The following ADAMTS12 variants were observed in gnomAD, a reference collection of about 807,000 sequenced individuals.
The protein encoded by ADAMTS12 is A disintegrin and metalloproteinase with thrombospondin motifs 12.
In ADAMTS12, 118 loss-of-function variants were observed where a neutral mutation model predicts 167.8. The ratio of observed to expected loss-of-function variants is 0.70; its 90% CI spans 0.61 to 0.82. The LOEUF (loss-of-function observed/expected upper bound fraction) is 0.82, where lower values mean the gene tolerates loss of function less well. Among genes scored for constraint, ADAMTS12 ranks in the 40% least tolerant of loss-of-function variants. The pLI is 0.00. For synonymous variants in ADAMTS12, 704 were observed against 716.9 expected (o/e 0.98, Z 0.29); for missense variants, 1,916 against 1,998.8 (o/e 0.96, Z 0.79).
intron 23 of ADAMTS12, among the ~76,000 whole-genome samples, chr5:33,528,771 G>T (rs1743949411): frequency 6.6e-6 from 1 of 152,228 alleles, no homozygotes; most frequent in South Asian, 2.1e-4. Context: ...TCCGGGCCGG[G>T]CATGGTGGCT....
chr5:33,856,361 C>T lies in ADAMTS12; in HGVS notation c.489+24758G>A, dbSNP rs539895618. On this transcript the variant is annotated intron_variant, in intron 2 of 23. Coordinates refer to ENST00000504830, the MANE Select transcript of ADAMTS12 (RefSeq NM_030955.4). ...TGGGAACATAAAGCTGGGCCAAATCCTATGGGTAAGGGGCTATATGACTCT... is the reference window on the plus strand; with the variant it reads ...TGGGAACATAAAGCTGGGCCAAATCTTATGGGTAAGGGGCTATATGACTCT... Among the ~76,000 whole-genome samples, 6 of 152,260 alleles carry T rather than the reference C, an allele frequency of 3.9e-5. No individual in the cohort carries two copies. In the South Asian group the frequency reaches 1.2e-3, roughly 32 times the overall value.
chr5:33,809,072 G>A (rs540176998), intron 2 of ADAMTS12, among the ~76,000 whole-genome samples: 43 of 152,168 alleles, frequency 2.8e-4, no homozygotes, highest in African/African-American at 9.6e-4. Flanking sequence ...TAATTTTTCC[G>A]CAAAGCTCTC....
intron 19 of ADAMTS12, among the ~76,000 whole-genome samples, chr5:33,571,531 A>T (rs1022964431): frequency 1.2e-4 from 19 of 152,308 alleles, no homozygotes; most frequent in African/African-American, 4.3e-4. Flanking sequence ...AGAAATAAAG[A>T]TCTTCTTTGA....
intron 2 of ADAMTS12, among the ~76,000 whole-genome samples, chr5:33,859,338 A>G (rs1473042383): frequency 6.6e-6 from 1 of 152,222 alleles, no homozygotes; most frequent in Non-Finnish European, 1.5e-5. Context: ...GGCATCCACC[A>G]TCACTAAAGC....
chr5:33,545,401 A>G (rs1744922343), intron 22 of ADAMTS12, among the ~76,000 whole-genome samples: 1 of 152,218 alleles, frequency 6.6e-6, no homozygotes, highest in Non-Finnish European at 1.5e-5. Flanking sequence ...GAATGCTTTT[A>G]CGCTGTTGGT....
At chr5:33,812,663 C>T (rs779868209) in intron 2 of ADAMTS12, among the ~76,000 whole-genome samples, 10 of 152,154 alleles carry the variant, frequency 6.6e-5, no homozygotes, top group Non-Finnish European at 1.2e-4. Context: ...TCAGTATGAA[C>T]TGTGTGAGAA....
At chr5:33,651,251 G>C (rs1007251912) in intron 7 of ADAMTS12, among the ~76,000 whole-genome samples, 2 of 152,100 alleles carry the variant, frequency 1.3e-5, no homozygotes, top group Admixed American at 6.5e-5. Context: ...TGCAAGCAAG[G>C]TTCTAAAAAC....
At chr5:33,734,411 G>C (rs1002492429) in intron 3 of ADAMTS12, among the ~76,000 whole-genome samples, 1 of 152,174 alleles carries the variant, frequency 6.6e-6, no homozygotes, top group Non-Finnish European at 1.5e-5. Flanking sequence ...AGAAATCATT[G>C]CTGTCCAAAA....
At chr5:33,706,872 C>T (rs1743220500) in intron 3 of ADAMTS12, among the ~76,000 whole-genome samples, 1 of 152,160 alleles carries the variant, frequency 6.6e-6, no homozygotes, top group African/African-American at 2.4e-5. Context: ...AAGCTGCAAG[C>T]ATTCCCTTTG....
intron 5 of ADAMTS12, among the ~76,000 whole-genome samples, chr5:33,665,219 C>A (rs1413536243): frequency 6.6e-6 from 1 of 152,040 alleles, no homozygotes; most frequent in East Asian, 1.9e-4. Context: ...AACTGAGAAG[C>A]AGAGATCAGG....
At chr5:33,730,125 C>T (rs907815728) in intron 3 of ADAMTS12, among the ~76,000 whole-genome samples, 4 of 152,214 alleles carry the variant, frequency 2.6e-5, no homozygotes, top group African/African-American at 9.7e-5. Context: ...AGGAGACCCA[C>T]ATTGTACAGG....
chr5:33,787,517 G>A (rs568278244), intron 2 of ADAMTS12, among the ~76,000 whole-genome samples: 4 of 152,330 alleles, frequency 2.6e-5, no homozygotes, highest in African/African-American at 9.6e-5. Context: ...AGAAGAAGGC[G>A]ACTATGAGGA....
chr5:33,780,138 G>A (rs1746072279), intron 2 of ADAMTS12, among the ~76,000 whole-genome samples: 1 of 152,022 alleles, frequency 6.6e-6, no homozygotes, highest in Non-Finnish European at 1.5e-5. Flanking sequence ...CTGTAGGAGG[G>A]GAAACCAACC....
chr5:33,539,804 T>C (rs1744595703), intron 22 of ADAMTS12, among the ~76,000 whole-genome samples: 1 of 152,204 alleles, frequency 6.6e-6, no homozygotes, highest in Non-Finnish European at 1.5e-5. Flanking sequence ...GAAACCATTT[T>C]TTTAAAAAGC....
At chr5:33,574,004 C>G (rs972364289) in intron 19 of ADAMTS12, among the ~76,000 whole-genome samples, 11 of 152,206 alleles carry the variant, frequency 7.2e-5, no homozygotes, top group Middle Eastern at 3.2e-3. Flanking sequence ...AAATGCTCAT[C>G]ATCACTGGCC....
intron 2 of ADAMTS12, among the ~76,000 whole-genome samples, chr5:33,809,353 C>T (rs1418750937): frequency 6.6e-6 from 1 of 152,182 alleles, no homozygotes; most frequent in East Asian, 1.9e-4. Flanking sequence ...CTCCTCCCAT[C>T]CCGCCCCCAA....
At chr5:33,598,305 G>A (rs576541658) in intron 16 of ADAMTS12, among the ~76,000 whole-genome samples, 1 of 152,116 alleles carries the variant, frequency 6.6e-6, no homozygotes, top group East Asian at 1.9e-4. Flanking sequence ...TGACATTATA[G>A]GATAGCCAAG....
chr5:33,792,475 C>T (rs772219079), intron 2 of ADAMTS12, among the ~76,000 whole-genome samples: 15 of 152,254 alleles, frequency 9.9e-5, no homozygotes, highest in Admixed American at 2.6e-4. Context: ...TCCTTGACCT[C>T]GTGATAATAT....
intron 5 of ADAMTS12, among the ~76,000 whole-genome samples, chr5:33,682,765 G>A (rs898792722): frequency 6.6e-6 from 1 of 152,150 alleles, no homozygotes; most frequent in Non-Finnish European, 1.5e-5. Context: ...ACTGCGGTGA[G>A]TCTCATGTGT....
Sources: gnomAD v4.1 joint callset for allele counts (sites outside exome capture counted in the v4.1 genomes callset) on GRCh38, gnomAD v4.1.1 for gene constraint, MANE v1.5 for transcripts, NCBI Gene and HGNC (gene_info 2026-07-23, HGNC 2026-07-21) for gene names.